Variants in GAGE10 observed in about 807,000 individuals in gnomAD.
GAGE10 encodes G antigen 10.
A neutral mutation model predicts 11.5 loss-of-function variants in GAGE10; 9 were observed. The observed-to-expected ratio is 0.78, with a 90% CI of 0.47 to 1.37. The LOEUF is 1.37. GAGE10 is among the 40% of genes most tolerant of loss of function. GAGE10 has a pLI of 0.00. For missense variants in GAGE10, 83 were observed against 92.9 expected (o/e 0.89, Z 0.44); for synonymous variants, 23 against 29.7 (o/e 0.77, Z 0.73).
At chrX:49,313,887 T>C (rs2066383148) in intron 3 of GAGE10, among the ~76,000 whole-genome samples, 2 of 111,975 alleles carry the variant, frequency 1.8e-5, no homozygotes, top group African/African-American at 6.5e-5. Context: ...AGTCTACATA[T>C]GGCTGAAGCT....
intron 3 of GAGE10, among the ~76,000 whole-genome samples, chrX:49,316,108 T>C (rs782019995): frequency 4.5e-5 from 5 of 111,882 alleles, no homozygotes; most frequent in East Asian, 2.8e-4. Context: ...CAGTTGTTTG[T>C]AAGAAAACCC....
At chrX:49,305,057 T>G (rs1475473643) in intron 2 of GAGE10, 117 bp downstream of exon 2, 14 of 1,009,039 alleles carry the variant, frequency 1.4e-5, no homozygotes, top group Admixed American at 8.9e-5. Flanking sequence ...TAAAAAATGA[T>G]GATGGCGTCT....
At chrX:49,309,830 G>A (rs1469999642) in intron 3 of GAGE10, among the ~76,000 whole-genome samples, 1 of 111,253 alleles carries the variant, frequency 9.0e-6, no homozygotes, top group African/African-American at 3.3e-5. Context: ...AGAGCTCCAG[G>A]AAGTTAAAGT....
rs2066351922 is a variant in GAGE10 at position 49,305,370 on chromosome X, A to C, written c.82-34A>C. ...AAATTTTGTATCAATAACGAAACTT[A>C]TTTTTTATTTGCACACCCACACGTA... On this transcript the variant is annotated intron_variant, in intron 2 of 4. Coordinates refer to ENST00000407599, the MANE Select transcript of GAGE10 (RefSeq NM_001098413.4). 2.8e-6 allele frequency: 3 copies of C among 1,079,648 alleles called. No individual in the cohort carries two copies. In the African/African-American group the frequency reaches 5.9e-5, roughly 21 times the overall value. 89.0% of individuals were successfully genotyped at this position (1,079,648 alleles called of 1,213,427 possible). A position where few individuals can be genotyped will look rare whatever the true frequency, so the allele number is the denominator to read the frequency against.
intron 3 of GAGE10, among the ~76,000 whole-genome samples, chrX:49,313,669 A>T (rs1412915070): frequency 8.9e-6 from 1 of 111,899 alleles, no homozygotes; most frequent in Non-Finnish European, 1.9e-5. Flanking sequence ...TATTGTGATC[A>T]TGTCTACTTC....
intron 3 of GAGE10, 54 bp from the exon 4 acceptor site, chrX:49,317,109 T>C (rs1261239043): frequency 2.7e-6 from 3 of 1,119,122 alleles, no homozygotes; most frequent in East Asian, 3.1e-5. Flanking sequence ...ATTATTTTCT[T>C]ATTCATATTT....
At position 49,317,086 on chromosome X, in the gene GAGE10, C is replaced by T. The variant is rs781826994; in HGVS notation, c.203-77C>T. ...AGCTAAAGCTTTTATATAATAACACCGAGAGCATGAATATTATTTTCTTAT... is the reference window on the plus strand; with the variant it reads ...AGCTAAAGCTTTTATATAATAACACTGAGAGCATGAATATTATTTTCTTAT... On this transcript the variant is annotated intron_variant, in intron 3 of 4. Coordinates refer to ENST00000407599, the MANE Select transcript of GAGE10 (RefSeq NM_001098413.4). The T allele has an allele frequency of 2.2e-5, 23 of 1,047,255 alleles. No homozygotes were observed. In the African/African-American group the frequency reaches 2.9e-4, roughly 13 times the overall value. The allele number at this position is 1,047,255 out of a possible 1,213,427, so 86.3% of individuals were successfully genotyped here.
chrX:49,306,995 A>AT (rs1219256878), intron 3 of GAGE10, among the ~76,000 whole-genome samples: 3 of 111,667 alleles, frequency 2.7e-5, no homozygotes, highest in African/African-American at 6.5e-5. Flanking sequence ...GAATATGTGT[A>AT]TTTTTTACCA....
rs781995721 is a variant in GAGE10 at position 49,317,203 on chromosome X, A to G, written c.243A>G (p.Pro81=). The change falls in exon 4 of 5, where the codon CCA becomes CCG. Residue 81 remains proline (P), a synonymous_variant. Coordinates refer to ENST00000407599, the MANE Select transcript of GAGE10 (RefSeq NM_001098413.4). ...PEADSQEQVH[P]KTGCECGDGP... ...CTGATAGCCAGGAACAGGTTCACCC[A>G]AAGACTGGGTGTGAGTGTGGAGATG... is the stretch of plus-strand genomic sequence containing the variant. 12 of 1,205,533 alleles carry G rather than the reference A, an allele frequency of 1.0e-5. No homozygotes were observed. The highest frequency in any genetic ancestry group is 5.3e-5 in the African/African-American group (3 of 56,894).
At chrX:49,316,822 G>A (rs782266132) in intron 3 of GAGE10, among the ~76,000 whole-genome samples, 10 of 110,881 alleles carry the variant, frequency 9.0e-5, no homozygotes, top group African/African-American at 3.3e-4. Context: ...CCATATAACA[G>A]TCTAAGTGCT....
chrX:49,315,483 T>C, intron 3 of GAGE10, among the ~76,000 whole-genome samples: 1 of 111,947 alleles, frequency 8.9e-6, no homozygotes, highest in African/African-American at 3.2e-5. Flanking sequence ...AACTGCGTCA[T>C]AAGGTTGCAG....
chrX:49,304,713 C>T, intron 1 of GAGE10, 139 bp from the exon 2 acceptor site: 2 of 846,332 alleles, frequency 2.4e-6, no homozygotes, highest in Non-Finnish European at 3.4e-6. Flanking sequence ...AGAAAAGGTA[C>T]ACACATATGC....
intron 3 of GAGE10, among the ~76,000 whole-genome samples, chrX:49,314,531 G>A (rs1557125016): frequency 8.9e-6 from 1 of 112,522 alleles, no homozygotes; most frequent in African/African-American, 3.2e-5. Flanking sequence ...TAAAGCCAGA[G>A]CTACCTTTCT....
In GAGE10 at chrX:49,304,209, C is replaced by G. The variant is rs782127752; in HGVS notation, c.-9+456C>G. The stretch of plus-strand genomic sequence containing the variant: ...GAAGACTGCGGGCTGGTGAGTGCCC[C>G]TGAGCTTTGTGGAGTGGGGAGCCCC... On this transcript the variant is annotated intron_variant, in intron 1 of 4. Coordinates refer to ENST00000407599, the MANE Select transcript of GAGE10 (RefSeq NM_001098413.4). Among the ~76,000 whole-genome samples, 6 of 111,626 alleles carry G rather than the reference C, an allele frequency of 5.4e-5. No individual in the cohort carries two copies. The South Asian group carries it at 2.3e-3, about 42-fold the overall frequency.
chrX:49,307,018 A>C (rs1359037379), intron 3 of GAGE10, among the ~76,000 whole-genome samples: 2 of 111,306 alleles, frequency 1.8e-5, no homozygotes, highest in Non-Finnish European at 3.8e-5. Flanking sequence ...ATTAAAAAAA[A>C]CCTCCTGTCT....
intron 3 of GAGE10, among the ~76,000 whole-genome samples, chrX:49,312,445 A>G (rs782006239): frequency 6.2e-5 from 7 of 113,206 alleles, no homozygotes; most frequent in Admixed American, 1.9e-4. Flanking sequence ...GAAATAAAAA[A>G]TAAAGAGGAA....
At chrX:49,314,624 TAGA>T (rs1293515351) in intron 3 of GAGE10, among the ~76,000 whole-genome samples, 2 of 112,457 alleles carry the variant, frequency 1.8e-5, no homozygotes, top group African/African-American at 6.5e-5. Context: ...TCAAAAAGAC[TAGA>T]AGGACTCAAA....
chrX:49,304,679 G>C (rs1602724555), intron 1 of GAGE10, among the ~76,000 whole-genome samples, 173 bp from the exon 2 acceptor site: 1 of 109,607 alleles, frequency 9.1e-6, no homozygotes, highest in African/African-American at 3.2e-5. Flanking sequence ...AGCTTGGCCA[G>C]CATAAGTGGC....
intron 4 of GAGE10, among the ~76,000 whole-genome samples, chrX:49,318,811 CG>C (rs2066404170): frequency 9.1e-6 from 1 of 110,375 alleles, no homozygotes; most frequent in African/African-American, 3.3e-5. Flanking sequence ...TGAGAATATG[CG>C]GTGTTTGGTT....
Sources: allele counts gnomAD v4.1 joint callset (sites outside exome capture counted in the v4.1 genomes callset), GRCh38; gene constraint gnomAD v4.1.1; transcripts MANE v1.5; gene names NCBI Gene and HGNC (gene_info 2026-07-23, HGNC 2026-07-21).